QTGAL: variants seen among roughly 807,000 people sequenced by gnomAD.
QTGAL encodes the protein queuosine-tRNA galactosyltransferase.
chr17:83,015,380 C>T, the QTGAL span, among the ~76,000 whole-genome samples: 6 of 152,260 alleles, frequency 3.9e-5, no homozygotes, highest in Non-Finnish European at 8.8e-5. The surrounding 1 kb of genome is among the most constrained non-coding windows in gnomAD (Gnocchi z 4.4). Flanking sequence ...ATGCTCACGG[C>T]AGCTCATTCA....
At chr17:82,979,237 TGA>T in the QTGAL span, 1 of 152,146 alleles carries the variant, frequency 6.6e-6, no homozygotes, top group Non-Finnish European at 1.5e-5. Context: ...GATAAAAAAG[TGA>T]GAGGACCCAA....
the QTGAL span, among the ~76,000 whole-genome samples, chr17:83,011,944 C>T: frequency 2.0e-5 from 3 of 149,778 alleles, no homozygotes; most frequent in African/African-American, 7.4e-5. Context: ...GCCACGAACT[C>T]CTCGTATCCA....
chr17:83,035,852 C>A, the QTGAL span, among the ~76,000 whole-genome samples: 7 of 140,288 alleles, frequency 5.0e-5, no homozygotes, highest in African/African-American at 1.7e-4. Context: ...CTGAGGTAGA[C>A]CCTCGGAGGG....
At chr17:82,968,415 A>ATGGTG in the QTGAL span, among the ~76,000 whole-genome samples, 8 of 152,162 alleles carry the variant, frequency 5.3e-5, no homozygotes, top group Non-Finnish European at 8.8e-5. Flanking sequence ...ACCAGTGTGC[A>ATGGTG]CGGTGCACAG....
chr17:82,968,263 C>T, the QTGAL span, among the ~76,000 whole-genome samples: 2 of 152,202 alleles, frequency 1.3e-5, no homozygotes, highest in Admixed American at 1.3e-4. Context: ...CTGGAGGCCC[C>T]CAAATGTCCG....
At chr17:83,039,203 T>C in the QTGAL span, among the ~76,000 whole-genome samples, 2 of 151,838 alleles carry the variant, frequency 1.3e-5, no homozygotes, top group African/African-American at 4.8e-5. Flanking sequence ...TTTGACACAC[T>C]GCTGAGCGCC....
the QTGAL span, chr17:83,006,087 C>T: frequency 8.0e-6 from 8 of 996,610 alleles, no homozygotes; most frequent in East Asian, 2.2e-4. The surrounding 1 kb of genome is among the most constrained non-coding windows in gnomAD (Gnocchi z 5.8). Flanking sequence ...CCCGAGTAGA[C>T]GTTCTCACAG....
chr17:82,998,028 A>G, the QTGAL span, among the ~76,000 whole-genome samples: 1 of 150,530 alleles, frequency 6.6e-6, no homozygotes, highest in Non-Finnish European at 1.5e-5. Context: ...CAAAGAATGA[A>G]TAAGACCTAG....
the QTGAL span, chr17:83,035,120 A>G: frequency 6.3e-7 from 1 of 1,596,966 alleles, no homozygotes; most frequent in Non-Finnish European, 8.6e-7. Context: ...AAGAAGAGCA[A>G]AACTCTTTTA....
At chr17:82,958,928 T>TGTGTGTGTATACTGTGTGGGGGTGTATG in the QTGAL span, among the ~76,000 whole-genome samples, 18 of 13,838 alleles carry the variant, frequency 1.3e-3, 3 homozygotes, top group African/African-American at 4.8e-3. Context: ...GTGTATGGTG[T>TGTGTGTGTATACTGTGTGGGGGTGTATG]GTGTGTGTGT....
the QTGAL span, among the ~76,000 whole-genome samples, chr17:82,963,277 C>T: frequency 1.3e-5 from 2 of 152,160 alleles, no homozygotes; most frequent in Non-Finnish European, 2.9e-5. Context: ...GTCAGGGACG[C>T]GCTTCCTTCC....
the QTGAL span, among the ~76,000 whole-genome samples, chr17:82,954,886 A>T: frequency 1.2e-4 from 18 of 152,362 alleles, no homozygotes; most frequent in South Asian, 3.7e-3. Context: ...TGGGGAAAGG[A>T]TTCCCTATTT....
At chr17:83,048,415 G>A in the QTGAL span, 25 of 1,437,398 alleles carry the variant, frequency 1.7e-5, no homozygotes, top group East Asian at 6.8e-5. Flanking sequence ...GTTTCGGTAC[G>A]TAAGTTGATA....
chr17:82,953,803 G>T, the QTGAL span, among the ~76,000 whole-genome samples: 38,081 of 152,060 alleles, frequency 0.25, 5,088 homozygotes, highest in East Asian at 0.43. Context: ...TATCCACCAT[G>T]ATCAAGTCAG....
chr17:83,019,795 G>A, the QTGAL span, among the ~76,000 whole-genome samples: 7 of 151,916 alleles, frequency 4.6e-5, no homozygotes, highest in African/African-American at 1.5e-4. Flanking sequence ...GTGCAGTGGC[G>A]CAATCTTGGC....
chr17:82,965,793 T>C, the QTGAL span: 2 of 1,533,028 alleles, frequency 1.3e-6, no homozygotes, highest in South Asian at 2.4e-5. Context: ...GAACAGCTTG[T>C]CACAAACAAC....
At chr17:83,013,603 C>T in the QTGAL span, among the ~76,000 whole-genome samples, 3 of 151,710 alleles carry the variant, frequency 2.0e-5, no homozygotes, top group African/African-American at 7.3e-5. Context: ...CAGACCCTGC[C>T]GTGACCAGGC....
chr17:82,970,669 C>CGTG, the QTGAL span, among the ~76,000 whole-genome samples: 2 of 138,914 alleles, frequency 1.4e-5, no homozygotes, highest in African/African-American at 5.6e-5. Context: ...CCTCCGCACC[C>CGTG]AGCGTGGCCG....
chr17:83,033,916 C>A, the QTGAL span, among the ~76,000 whole-genome samples: 1 of 152,034 alleles, frequency 6.6e-6, no homozygotes, highest in Non-Finnish European at 1.5e-5. Context: ...CTGTCCTCTG[C>A]CTACTTATCT....
Sources: allele counts gnomAD v4.1 joint callset (sites outside exome capture counted in the v4.1 genomes callset), GRCh38; gene constraint gnomAD v4.1.1; non-coding constraint Gnocchi (gnomAD v3.1); transcripts MANE v1.5; gene names NCBI Gene and HGNC (gene_info 2026-07-23, HGNC 2026-07-21).